The following TRAPPC9 variants were observed in gnomAD, a reference collection of about 807,000 sequenced individuals.
TRAPPC9 encodes IKK2 binding protein.
In TRAPPC9, 83 loss-of-function variants were observed where a neutral mutation model predicts 124.0. That is an observed-to-expected ratio of 0.67 (90% CI 0.56 to 0.80). The LOEUF (loss-of-function observed/expected upper bound fraction) is 0.80, where lower values mean the gene tolerates loss of function less well. Among genes scored for constraint, TRAPPC9 ranks in the 30% least tolerant of loss-of-function variants. TRAPPC9 has a pLI of 0.00. For synonymous variants in TRAPPC9, 638 were observed against 617.5 expected, an observed-to-expected ratio of 1.03 and a Z score of -0.49; for missense variants, 1,302 against 1,508.3, an observed-to-expected ratio of 0.86 and a Z score of 2.27.
At chr8:139,754,294 A>G (rs1488222849) in intron 21 of TRAPPC9, among the ~76,000 whole-genome samples, 6 of 152,198 alleles carry the variant, frequency 3.9e-5, no homozygotes, top group Non-Finnish European at 8.8e-5. Flanking sequence ...TCTCAGCTGC[A>G]CAATTAACAG....
At chr8:139,996,417 T>C (rs866601755) in intron 18 of TRAPPC9, among the ~76,000 whole-genome samples, 2 of 151,302 alleles carry the variant, frequency 1.3e-5, no homozygotes, top group Admixed American at 1.3e-4. Context: ...TTGGGGGTGG[T>C]GGGGGAACTC....
Position 140,221,547 on chromosome 8 carries a change from G to T in TRAPPC9, c.2468C>A (p.Pro823His), listed in dbSNP as rs769453617. The T allele has an allele frequency of 6.2e-7, 1 of 1,614,126 alleles. No individual in the cohort carries two copies. The highest frequency in any genetic ancestry group is 8.5e-7 in the Non-Finnish European group (1 of 1,180,008). ...TCGGGGCCGAACGACCTGCCGAAAAGGACTGGACAGGGGAAAGCCACTCAC... is the reference window on the plus strand; with the variant it reads ...TCGGGGCCGAACGACCTGCCGAAAATGACTGGACAGGGGAAAGCCACTCAC... Reference protein sequence around the residue: ...ISVSGFPLSSPFRQVVRPRVE... With the variant: ...ISVSGFPLSSHFRQVVRPRVE... Residue 823 changes from proline (P) to histidine (H), a missense_variant, in exon 17 of 23, where the codon CCT becomes CAT. By Grantham distance (77) the Pro-to-His change is moderately conservative (BLOSUM62 -2). Coordinates refer to ENST00000438773, the MANE Select transcript of TRAPPC9 (RefSeq NM_001160372.4).
chr8:140,080,018 C>G (rs900566250), intron 17 of TRAPPC9, among the ~76,000 whole-genome samples: 1 of 152,144 alleles, frequency 6.6e-6, no homozygotes, highest in Non-Finnish European at 1.5e-5. Context: ...TCACTTTCCC[C>G]TGGTCAGATG....
chr8:139,972,885 T>G (rs752356713), intron 19 of TRAPPC9, among the ~76,000 whole-genome samples: 1 of 152,188 alleles, frequency 6.6e-6, no homozygotes, highest in Non-Finnish European at 1.5e-5. Flanking sequence ...TCCCCACAGC[T>G]GATACTCCGT....
chr8:140,088,933 G>A (rs1194048739), intron 17 of TRAPPC9, among the ~76,000 whole-genome samples: 1 of 152,190 alleles, frequency 6.6e-6, no homozygotes, highest in Non-Finnish European at 1.5e-5. Flanking sequence ...AAATGCAGAG[G>A]ACGGGTCTGT....
At chr8:139,814,119 G>A (rs573245409) in intron 21 of TRAPPC9, among the ~76,000 whole-genome samples, 35 of 152,312 alleles carry the variant, frequency 2.3e-4, no homozygotes, top group African/African-American at 5.3e-4. Flanking sequence ...GAAGAATCAC[G>A]TTCCTCCGGC....
chr8:139,857,604 G>A (rs567107067), intron 21 of TRAPPC9, among the ~76,000 whole-genome samples: 1 of 152,234 alleles, frequency 6.6e-6, no homozygotes, highest in East Asian at 1.9e-4. Flanking sequence ...AACAGCCGGA[G>A]CAGCCACAGG....
intron 9 of TRAPPC9, among the ~76,000 whole-genome samples, chr8:140,326,445 C>G (rs1362211733): frequency 1.3e-5 from 2 of 152,186 alleles, no homozygotes; most frequent in Non-Finnish European, 2.9e-5. Context: ...CATCCCCCCA[C>G]CATGATCAAA....
rs115457839 is a variant in TRAPPC9, at chr8:140,431,597, T to C, written c.859+3515A>G. Among the ~76,000 whole-genome samples the C allele has an allele frequency of 1.3e-3, 195 of 152,304 alleles. 1 individual carries two copies. The highest frequency in any genetic ancestry group is 4.6e-3 in the African/African-American group (192 of 41,576). On this transcript the variant is annotated intron_variant, in intron 4 of 22. Transcript: ENST00000438773. ...TGACTTCATATAAAATAATAGCTAA[T>C]GGTCGTGAGATATTTTATGAGATGA... is the stretch of plus-strand genomic sequence containing the variant.
In TRAPPC9 at chr8:140,252,698, C is replaced by T. The variant is rs908773419; in HGVS notation, c.2431+79G>A. ...TGACAAGTGAGTTACAAACAGCAAA[C>T]AGCAGGCATCAAGGGATGGGGGTTG... On this transcript the variant is annotated intron_variant, in intron 16 of 22. Transcript: ENST00000438773. This position sits in a 1 kb window ranked among gnomAD's most constrained non-coding sequence, Gnocchi z 4.2. The T allele has an allele frequency of 1.7e-5, 26 of 1,542,766 alleles. No homozygotes were observed. Among genetic ancestry groups the T allele is most frequent in the Non-Finnish European group, 2.0e-5 (23 of 1,126,526 alleles).
At chr8:140,360,664 C>T (rs1007406792) in intron 8 of TRAPPC9, among the ~76,000 whole-genome samples, 4 of 152,120 alleles carry the variant, frequency 2.6e-5, no homozygotes, top group African/African-American at 7.2e-5. Context: ...AATTCTACAG[C>T]TGCTCACTCC....
rs114060138 is a variant in TRAPPC9, at chr8:139,729,530, G to A, written c.*1531C>T. Among the ~76,000 whole-genome samples the A allele has an allele frequency of 8.4e-3, 1,287 of 152,338 alleles. 14 individuals carry two copies. The highest frequency in any genetic ancestry group is 0.029 in the African/African-American group (1,195 of 41,576). On this transcript the variant is annotated 3_prime_UTR_variant, in exon 23 of 23. Transcript: ENST00000438773. ...AGATGCTGAATGAGCTCCAGGAACTGAGGGCCACTGGACACCCGCCCCCAC... is the reference window on the plus strand; with the variant it reads ...AGATGCTGAATGAGCTCCAGGAACTAAGGGCCACTGGACACCCGCCCCCAC...
At chr8:139,903,584 C>T (rs762761168) in intron 20 of TRAPPC9, among the ~76,000 whole-genome samples, 3 of 152,206 alleles carry the variant, frequency 2.0e-5, no homozygotes, top group East Asian at 1.9e-4. Context: ...CCACAGCAGA[C>T]GGTCTGTGCA....
intron 3 of TRAPPC9, 94 bp downstream of exon 3, chr8:140,438,958 G>C (rs1347049440): frequency 1.2e-5 from 19 of 1,535,186 alleles, no homozygotes; most frequent in African/African-American, 4.1e-5. Flanking sequence ...CCAAAGTGCT[G>C]GGATTACAGG....
At chr8:139,895,602 T>C (rs1286113217) in intron 20 of TRAPPC9, among the ~76,000 whole-genome samples, 1 of 152,156 alleles carries the variant, frequency 6.6e-6, no homozygotes, top group Admixed American at 6.5e-5. Context: ...AATGTGCCCT[T>C]GGTAACATCA....
At position 139,728,361 on chromosome 8, in the gene TRAPPC9, G is replaced by T. The variant is rs1817654746; in HGVS notation, c.*2700C>A. Among the ~76,000 whole-genome samples the T allele has an allele frequency of 6.6e-6, 1 of 152,218 alleles. No homozygotes were observed. The highest frequency in any genetic ancestry group is 1.5e-5 in the Non-Finnish European group (1 of 68,044). On this transcript the variant is annotated 3_prime_UTR_variant, in exon 23 of 23. Transcript: ENST00000438773. ...GTGCAATGGACATGATCTGTTCCTG[G>T]CTTACCCTCCGCTGGCCTTCAGGAG...
intron 15 of TRAPPC9, among the ~76,000 whole-genome samples, chr8:140,265,129 C>T (rs1012175165): frequency 7.9e-5 from 12 of 152,236 alleles, no homozygotes; most frequent in Non-Finnish European, 1.5e-4. Context: ...ACCAGGAGGG[C>T]AACAGGCCGG....
intron 19 of TRAPPC9, among the ~76,000 whole-genome samples, chr8:139,957,373 C>T (rs911891275): frequency 6.6e-6 from 1 of 152,226 alleles, no homozygotes; most frequent in African/African-American, 2.4e-5. Context: ...TATCGCTCTA[C>T]GTGTAGCCTT....
rs934165463 is a variant in TRAPPC9 at position 139,978,213 on chromosome 8, C to A, written c.2810+10513G>T. On this transcript the variant is annotated intron_variant, in intron 19 of 22. Coordinates refer to ENST00000438773, the MANE Select transcript of TRAPPC9 (RefSeq NM_001160372.4). ...TTTAAGAGGACCACAGGCACACAAC[C>A]GGCAGAACCCCACCCTGGGACCTTT... Among the ~76,000 whole-genome samples, 11 of 152,234 alleles carry A rather than the reference C, an allele frequency of 7.2e-5. No homozygotes were observed. In the East Asian group the frequency reaches 1.9e-3, roughly 27 times the overall value.
Sources: gnomAD v4.1 joint callset for allele counts (sites outside exome capture counted in the v4.1 genomes callset) on GRCh38, gnomAD v4.1.1 for gene constraint, Gnocchi (gnomAD v3.1) non-coding constraint, MANE v1.5 for transcripts, NCBI Gene and HGNC (gene_info 2026-07-23, HGNC 2026-07-21) for gene names.